Variants in MBD5 observed in about 807,000 individuals in gnomAD.
The protein encoded by MBD5 is methyl-CpG binding domain protein 5.
A neutral mutation model predicts 117.3 loss-of-function variants in MBD5; 13 were observed. The ratio of observed to expected loss-of-function variants is 0.11; its 90% CI spans 0.07 to 0.18. The LOEUF is 0.18. MBD5 is among the 10% of genes least tolerant of loss of function. MBD5 has a pLI of 1.00. For missense variants in MBD5, 1,879 were observed against 2,093.8 expected (o/e 0.90, Z 2.00); for synonymous variants, 727 against 766.4 (o/e 0.95, Z 0.85).
At chr2:148,081,157 A>G (rs565521747) in intron 1 of MBD5, among the ~76,000 whole-genome samples, 4 of 152,326 alleles carry the variant, frequency 2.6e-5, no homozygotes, top group African/African-American at 9.6e-5. Context: ...TTAATGTCCA[A>G]TAAATTTTAA....
chr2:148,341,336 G>GT (rs368103489), intron 3 of MBD5, among the ~76,000 whole-genome samples: 132 of 147,726 alleles, frequency 8.9e-4, no homozygotes, highest in African/African-American at 1.6e-3. Context: ...TTTAATGTAA[G>GT]TTTTTTTTTT....
intron 2 of MBD5, among the ~76,000 whole-genome samples, chr2:148,226,562 G>A (rs536319540): frequency 7.9e-5 from 12 of 152,196 alleles, no homozygotes; most frequent in South Asian, 6.2e-4. Flanking sequence ...AAATAGTGCC[G>A]CAATAAACAT....
chr2:148,507,258 C>A (rs932180624), intron 12 of MBD5, among the ~76,000 whole-genome samples: 3 of 152,134 alleles, frequency 2.0e-5, no homozygotes, highest in African/African-American at 7.2e-5. Context: ...ATTGTTATTG[C>A]AATTTTTCAT....
intron 3 of MBD5, among the ~76,000 whole-genome samples, chr2:148,237,808 A>G (rs1458061849): frequency 6.6e-6 from 1 of 152,170 alleles, no homozygotes; most frequent in Non-Finnish European, 1.5e-5. Context: ...AGGTATGCCT[A>G]CATTTAAGAA....
chr2:148,049,026 T>G (rs575362369), intron 1 of MBD5, among the ~76,000 whole-genome samples: 1 of 152,268 alleles, frequency 6.6e-6, no homozygotes, highest in East Asian at 1.9e-4. Context: ...GATGTTAGTG[T>G]CTGAGAAGTG....
intron 3 of MBD5, among the ~76,000 whole-genome samples, chr2:148,304,022 A>G (rs1052479871): frequency 9.2e-5 from 14 of 152,152 alleles, no homozygotes; most frequent in African/African-American, 1.9e-4. Context: ...GCCCTCATCA[A>G]TCTCTCAGCT....
chr2:148,358,407 A>G (rs1392614017), intron 4 of MBD5, among the ~76,000 whole-genome samples: 1 of 152,174 alleles, frequency 6.6e-6, no homozygotes, highest in Non-Finnish European at 1.5e-5. Flanking sequence ...ACATATAAAG[A>G]AATAAGTGGA....
chr2:148,261,085 C>A (rs1700720380), intron 3 of MBD5, among the ~76,000 whole-genome samples: 1 of 152,112 alleles, frequency 6.6e-6, no homozygotes, highest in African/African-American at 2.4e-5. Context: ...ATGTGCTATC[C>A]TCTAGGCTTT....
At chr2:148,037,075 G>A (rs763035160) in intron 1 of MBD5, among the ~76,000 whole-genome samples, 5 of 151,958 alleles carry the variant, frequency 3.3e-5, no homozygotes, top group Non-Finnish European at 7.4e-5. Context: ...GGGTTTTTAT[G>A]TAAAGGCAGA....
At chr2:148,121,463 G>A (rs1696766894) in intron 1 of MBD5, among the ~76,000 whole-genome samples, 1 of 151,368 alleles carries the variant, frequency 6.6e-6, no homozygotes, top group Non-Finnish European at 1.5e-5. Flanking sequence ...AAATATTCAA[G>A]CAAACTTCTC....
At chr2:148,094,143 C>T (rs1696006755) in intron 1 of MBD5, among the ~76,000 whole-genome samples, 1 of 152,132 alleles carries the variant, frequency 6.6e-6, no homozygotes, top group African/African-American at 2.4e-5. Flanking sequence ...CTTAATGCTA[C>T]TGGCACTGTA....
At chr2:148,121,448 T>C (rs1696766524) in intron 1 of MBD5, among the ~76,000 whole-genome samples, 2 of 151,940 alleles carry the variant, frequency 1.3e-5, no homozygotes, top group South Asian at 4.1e-4. Context: ...TTTCTCTCAG[T>C]AGTAAAATAT....
At chr2:148,030,528 C>G (rs146811105) in intron 1 of MBD5, among the ~76,000 whole-genome samples, 1 of 152,002 alleles carries the variant, frequency 6.6e-6, no homozygotes, top group Non-Finnish European at 1.5e-5. Flanking sequence ...ACTATTTATA[C>G]CATAAAGACA....
intron 1 of MBD5, among the ~76,000 whole-genome samples, chr2:148,024,608 C>T (rs1693847658): frequency 6.6e-6 from 1 of 152,108 alleles, no homozygotes; most frequent in South Asian, 2.1e-4. Flanking sequence ...TCTTGTCCTC[C>T]CTTGCCACAA....
At chr2:148,458,982 T>TTG (rs1289061374) in intron 5 of MBD5, 111 bp downstream of exon 5, 1 of 878,494 alleles carries the variant, frequency 1.1e-6, no homozygotes, top group African/African-American at 1.6e-5. Flanking sequence ...AAAGTGACCT[T>TTG]TGTGCTAGAA....
intron 3 of MBD5, among the ~76,000 whole-genome samples, chr2:148,280,870 A>G (rs1252174730): frequency 1.3e-5 from 2 of 152,196 alleles, no homozygotes; most frequent in Admixed American, 6.5e-5. Flanking sequence ...TGTTTAGGCT[A>G]CAGTTGTTTT....
intron 4 of MBD5, among the ~76,000 whole-genome samples, chr2:148,387,277 G>T (rs1432879308): frequency 6.6e-6 from 1 of 151,972 alleles, no homozygotes; most frequent in Non-Finnish European, 1.5e-5. Context: ...AAATTATTTA[G>T]CATATTAACA....
At chr2:148,168,123 A>G (rs919858849) in intron 1 of MBD5, among the ~76,000 whole-genome samples, 2 of 152,184 alleles carry the variant, frequency 1.3e-5, no homozygotes, top group African/African-American at 2.4e-5. Flanking sequence ...TTCTAGTTCT[A>G]TTCATCTAAT....
intron 4 of MBD5, among the ~76,000 whole-genome samples, chr2:148,456,187 AAAC>A (rs1302443505): frequency 6.6e-6 from 1 of 152,168 alleles, no homozygotes; most frequent in African/African-American, 2.4e-5. Context: ...GATGGCTTAT[AAAC>A]AACATAAACT....
Sources: gnomAD v4.1 joint callset for allele counts (sites outside exome capture counted in the v4.1 genomes callset) on GRCh38, gnomAD v4.1.1 for gene constraint, MANE v1.5 for transcripts, NCBI Gene and HGNC (gene_info 2026-07-23, HGNC 2026-07-21) for gene names.